EGFR: variants seen among roughly 807,000 people sequenced by gnomAD.
EGFR encodes epidermal growth factor receptor, also known as avian erythroblastic leukemia viral (v-erb-b) oncogene homolog.
EGFR carries 58 observed loss-of-function variants against 143.0 expected under a neutral mutation model. The ratio of observed to expected loss-of-function variants is 0.41; its 90% CI spans 0.33 to 0.50. The LOEUF (loss-of-function observed/expected upper bound fraction) is 0.50, where lower values mean the gene tolerates loss of function less well. EGFR is among the 20% of genes least tolerant of loss of function. The probability of loss-of-function intolerance (pLI) is 0.39; values close to 1 mark genes in which losing one functional copy is unlikely to be tolerated. For missense variants in EGFR, 1,307 were observed against 1,579.0 expected (o/e 0.83, Z 2.92); for synonymous variants, 613 against 594.4 (o/e 1.03, Z -0.45).
rs765369188 is a variant in EGFR, at chr7:55,157,744, C to A, written c.1289C>A (p.Thr430Asn). 1.4e-5 allele frequency: 22 copies of A among 1,614,080 alleles called. No individual in the cohort carries two copies. The highest frequency in any genetic ancestry group is 1.6e-5 in the Non-Finnish European group (19 of 1,180,042). Reference sequence around the variant, plus strand: ...AACCTAGAAATCATACGCGGCAGGACCAAGCAACAGTAAGTTGACCACAGC... The same window carrying A: ...AACCTAGAAATCATACGCGGCAGGAACAAGCAACAGTAAGTTGACCACAGC... ...FENLEIIRGR[T>N]KQHGQFSLAV... The change falls in exon 11 of 28, where the codon ACC (threonine) becomes AAC (asparagine). Residue 430 changes from threonine to asparagine, a missense_variant. Physicochemically the swap from Thr to Asn is moderately conservative, Grantham distance 65. Around this residue, in one of 7 missense-constraint regions of EGFR, gnomAD observed 250 missense variants for 295.1 expected, o/e 0.85. Transcript: ENST00000275493.
rs76559438 is a variant in EGFR at position 55,027,029 on chromosome 7, C to T, written c.88+7664C>T. 6.3e-3 allele frequency among the ~76,000 whole-genome samples: 960 copies of T among 152,284 alleles called. 7 individuals carry two copies. Among genetic ancestry groups the T allele is most frequent in the African/African-American group, 0.021 (879 of 41,544 alleles). ...CAGGCCCCGGTCTGTGCACACAAGT[C>T]CTCAGGGAGATTCTGACTGATGCAT... is the stretch of plus-strand genomic sequence containing the variant. On this transcript the variant is annotated intron_variant, in intron 1 of 27. Coordinates refer to ENST00000275493, the MANE Select transcript of EGFR (RefSeq NM_005228.5).
At chr7:55,091,143 G>A (rs1039759576) in intron 1 of EGFR, among the ~76,000 whole-genome samples, 7 of 152,090 alleles carry the variant, frequency 4.6e-5, no homozygotes, top group South Asian at 2.1e-4. Flanking sequence ...TAAAGACCCC[G>A]ATTTCTAGTT....
Position 55,085,558 on chromosome 7 carries a change from G to A in EGFR, c.89-56728G>A, listed in dbSNP as rs17289274. ...AACCTAACAATGTAGAAAGACTAAA[G>A]CACATGGGTGGTGCTTCATAAATAG... On this transcript the variant is annotated intron_variant, in intron 1 of 27. Transcript: ENST00000275493. 6.7e-3 allele frequency among the ~76,000 whole-genome samples: 1,013 copies of A among 152,308 alleles called. 11 individuals are homozygous for A. Among genetic ancestry groups the A allele is most frequent in the African/African-American group, 0.023 (945 of 41,558 alleles).
chr7:55,201,722 GT>G lies in EGFR; in HGVS notation c.3115-10del, dbSNP rs2128972453. The G allele has an allele frequency of 6.2e-7, 1 of 1,614,170 alleles. No individual in the cohort carries two copies. Among genetic ancestry groups the G allele is most frequent in the Non-Finnish European group, 8.5e-7 (1 of 1,180,016 alleles). On this transcript the variant is annotated splice_polypyrimidine_tract_variant and intron_variant, in intron 25 of 27. Transcript: ENST00000275493. The stretch of plus-strand genomic sequence containing the variant: ...CAAGCATTCCATGGGCAACTTCTCT[GT>G]TTCTTTTTCAGAGTGCAACCAGCAA...
At chr7:55,148,604 A>T (rs2128930776) in intron 4 of EGFR, among the ~76,000 whole-genome samples, 1 of 152,244 alleles carries the variant, frequency 6.6e-6, no homozygotes, top group East Asian at 1.9e-4. Context: ...ATTGTCTGGA[A>T]TGACTTAACT....
Position 55,205,333 on chromosome 7 carries a change from C to A in EGFR, c.3349C>A (p.Pro1117Thr), listed in dbSNP as rs777435609. 1.9e-6 allele frequency: 3 copies of A among 1,611,372 alleles called. No individual in the cohort carries two copies. The highest frequency in any genetic ancestry group is 1.7e-5 in the Admixed American group (1 of 59,886). The change falls in exon 28 of 28, where the codon CCC becomes ACC. Residue 1117 changes from proline (P) to threonine (T), a missense_variant. This residue lies in a region of EGFR where 313 missense variants were observed against 312.3 expected (regional missense o/e 1.00). Coordinates refer to ENST00000275493, the MANE Select transcript of EGFR (RefSeq NM_005228.5). The part of the protein sequence containing the change: ...NPVYHNQPLN[P>T]APSRDPHYQD... The stretch of plus-strand genomic sequence containing the variant: ...TGTCTATCACAATCAGCCTCTGAAC[C>A]CCGCGCCCAGCAGAGACCCACACTA...
intron 1 of EGFR, among the ~76,000 whole-genome samples, chr7:55,128,258 T>C (rs1300271364): frequency 6.6e-6 from 1 of 152,238 alleles, no homozygotes; most frequent in African/African-American, 2.4e-5. Flanking sequence ...CCTTTGCGGT[T>C]CATTTCTAAT....
intron 15 of EGFR, 53 bp from the exon 16 acceptor site, chr7:55,171,122 A>G: frequency 6.2e-7 from 1 of 1,612,366 alleles, no homozygotes. Flanking sequence ...TCCAAAATAT[A>G]TGCCAAAGAA....
intron 1 of EGFR, among the ~76,000 whole-genome samples, chr7:55,031,434 A>T (rs1787239649): frequency 6.6e-6 from 1 of 152,246 alleles, no homozygotes; most frequent in Non-Finnish European, 1.5e-5. Flanking sequence ...ATGAAGAATC[A>T]GGTGAGTTGC....
rs746272455 is a variant in EGFR at position 55,181,421 on chromosome 7, A to G, written c.2412A>G (p.Glu804=). Residue 804 remains glutamate (E), a synonymous_variant, in exon 20 of 28, where the codon GAA becomes GAG. Coordinates refer to ENST00000275493, the MANE Select transcript of EGFR (RefSeq NM_005228.5). ...PFGCLLDYVR[E]HKDNIGSQYL... is the part of the protein sequence containing the mutation. ...GCTGCCTCCTGGACTATGTCCGGGA[A>G]CACAAAGACAATATTGGCTCCCAGT... is the stretch of plus-strand genomic sequence containing the variant. 3.7e-6 allele frequency: 6 copies of G among 1,614,094 alleles called. No homozygotes were observed. In the East Asian group the frequency reaches 6.7e-5, roughly 18 times the overall value.
At chr7:55,091,890 A>ACACACACACACC (rs1343006974) in intron 1 of EGFR, among the ~76,000 whole-genome samples, 4 of 96,640 alleles carry the variant, frequency 4.1e-5, no homozygotes, top group Non-Finnish European at 9.0e-5. Context: ...ACACACACAC[A>ACACACACACACC]CCCTGAGAGA....
rs747600559 is a variant in EGFR at position 55,205,550 on chromosome 7, G to A, written c.3566G>A (p.Gly1189Asp). 6.2e-7 allele frequency: 1 copy of A among 1,614,146 alleles called. No homozygotes were observed. The highest frequency in any genetic ancestry group is 8.5e-7 in the Non-Finnish European group (1 of 1,180,034). ...KEAKPNGIFKGSTAENAEYLR... is the reference protein window; with the variant it reads ...KEAKPNGIFKDSTAENAEYLR... ...GCCAAGCCAAATGGCATCTTTAAGGGCTCCACAGCTGAAAATGCAGAATAC... is the reference window on the plus strand; with the variant it reads ...GCCAAGCCAAATGGCATCTTTAAGGACTCCACAGCTGAAAATGCAGAATAC... Residue 1189 changes from glycine to aspartate, a missense_variant, in exon 28 of 28, where the codon GGC (glycine) becomes GAC (aspartate). Coordinates refer to ENST00000275493, the MANE Select transcript of EGFR (RefSeq NM_005228.5).
intron 1 of EGFR, among the ~76,000 whole-genome samples, chr7:55,094,138 G>A (rs1791298610): frequency 6.6e-6 from 1 of 152,226 alleles, no homozygotes; most frequent in African/African-American, 2.4e-5. Flanking sequence ...TGCTTGACAG[G>A]ATGACATCTG....
At position 55,020,033 on chromosome 7, in the gene EGFR, G is replaced by A. The variant is rs541274710; in HGVS notation, c.88+668G>A. 3.9e-5 allele frequency among the ~76,000 whole-genome samples: 6 copies of A among 152,322 alleles called. No individual in the cohort carries two copies. The East Asian group carries it at 9.7e-4, about 25-fold the overall frequency. On this transcript the variant is annotated intron_variant, in intron 1 of 27. Coordinates refer to ENST00000275493, the MANE Select transcript of EGFR (RefSeq NM_005228.5). ...TTCCCCAGTGTGGAGTCGCAGCCTC[G>A]ACCTGGGAGCTGGGAGAACTCGTCT...
chr7:55,165,351 A>G lies in EGFR; in HGVS notation c.1794A>G (p.Gly598=). ...GPHCVKTCPA[G]VMGENNTLVW... Reference sequence around the variant, plus strand: ...ACTGCGTCAAGACCTGCCCGGCAGGAGTCATGGGAGAAAACAACACCCTGG... The same window carrying G: ...ACTGCGTCAAGACCTGCCCGGCAGGGGTCATGGGAGAAAACAACACCCTGG... The change falls in exon 15 of 28, where the codon GGA becomes GGG. Residue 598 remains glycine, a synonymous_variant. Coordinates refer to ENST00000275493, the MANE Select transcript of EGFR (RefSeq NM_005228.5). The G allele has an allele frequency of 1.2e-6, 2 of 1,614,150 alleles. No homozygotes were observed. The highest frequency in any genetic ancestry group is 1.7e-6 in the Non-Finnish European group (2 of 1,180,024).
chr7:55,129,360 C>T (rs548576639), intron 1 of EGFR, among the ~76,000 whole-genome samples: 2 of 152,306 alleles, frequency 1.3e-5, no homozygotes, highest in East Asian at 3.9e-4. Flanking sequence ...ATCTGCAGGG[C>T]TGTAAGGTAG....
intron 12 of EGFR, 116 bp downstream of exon 12, chr7:55,160,454 G>A: frequency 8.9e-7 from 1 of 1,121,942 alleles, no homozygotes; most frequent in Non-Finnish European, 1.3e-6. Context: ...TCCTTAAGAA[G>A]CAAATTAAAA....
At chr7:55,090,128 C>G (rs1034128162) in intron 1 of EGFR, among the ~76,000 whole-genome samples, 2 of 152,022 alleles carry the variant, frequency 1.3e-5, no homozygotes, top group Non-Finnish European at 2.9e-5. Context: ...GCCACCACGC[C>G]CAGCTAATTT....
chr7:55,161,624 C>T lies in EGFR; in HGVS notation c.1624C>T (p.Leu542=), dbSNP rs1388398276. Reference sequence around the variant, plus strand: ...GGAATGCGTGGACAAGTGCAACCTTCTGGAGGGGTAGGAGGTTATTTCTTT... The same window carrying T: ...GGAATGCGTGGACAAGTGCAACCTTTTGGAGGGGTAGGAGGTTATTTCTTT... ...GRECVDKCNL[L]EGEPREFVEN... Residue 542 remains leucine, a synonymous_variant, in exon 13 of 28, where the codon CTG becomes TTG. Coordinates refer to ENST00000275493, the MANE Select transcript of EGFR (RefSeq NM_005228.5). 3 of 1,614,140 alleles carry T rather than the reference C, an allele frequency of 1.9e-6. No individual in the cohort carries two copies. Among genetic ancestry groups the T allele is most frequent in the Non-Finnish European group, 2.5e-6 (3 of 1,180,050 alleles).
Sources: allele counts gnomAD v4.1 joint callset (sites outside exome capture counted in the v4.1 genomes callset), GRCh38; gene constraint gnomAD v4.1.1; regional missense constraint gnomAD v4.1.1; transcripts MANE v1.5; gene names NCBI Gene and HGNC (gene_info 2026-07-23, HGNC 2026-07-21).